Variants in C12orf42 observed in about 807,000 individuals in gnomAD.
C12orf42 encodes the protein chromosome 12 open reading frame 42.
A neutral mutation model predicts 21.6 loss-of-function variants in C12orf42; 25 were observed. That is an observed-to-expected ratio of 1.16 (90% CI 0.84 to 1.62). C12orf42 has a LOEUF of 1.62. Ranked by LOEUF, C12orf42 falls within the 40% of genes most tolerant of loss-of-function variation. The probability of loss-of-function intolerance (pLI) is 0.00; values close to 1 mark genes in which losing one functional copy is unlikely to be tolerated. For synonymous variants in C12orf42, 174 were observed against 175.0 expected (o/e 0.99, Z 0.05); for missense variants, 483 against 459.3 (o/e 1.05, Z -0.47).
the C12orf42 span, among the ~76,000 whole-genome samples, chr12:103,205,480 A>G: frequency 6.6e-6 from 1 of 152,274 alleles, no homozygotes; most frequent in South Asian, 2.1e-4. Context: ...AGCACTGGAA[A>G]AACTTGCCCC....
the C12orf42 span, among the ~76,000 whole-genome samples, chr12:103,514,292 T>G: frequency 6.6e-6 from 1 of 152,108 alleles, no homozygotes; most frequent in African/African-American, 2.4e-5. Context: ...CAAGATGAGA[T>G]TTGGATGGGA....
chr12:103,507,031 AAT>A, the C12orf42 span, among the ~76,000 whole-genome samples: 3 of 10,084 alleles, frequency 3.0e-4, no homozygotes, highest in Admixed American at 2.2e-3. Flanking sequence ...ATTTATATAT[AAT>A]ATATATATTT....
chr12:103,083,251 C>G, the C12orf42 span, among the ~76,000 whole-genome samples: 1 of 152,078 alleles, frequency 6.6e-6, no homozygotes, highest in Non-Finnish European at 1.5e-5. Flanking sequence ...GTAATCCCAG[C>G]TACTTGGGAA....
chr12:103,072,928 A>C, the C12orf42 span, among the ~76,000 whole-genome samples: 2 of 152,220 alleles, frequency 1.3e-5, no homozygotes, highest in Non-Finnish European at 2.9e-5. Context: ...GAATCAGCTT[A>C]AATACCCATC....
the C12orf42 span, among the ~76,000 whole-genome samples, chr12:103,509,340 GA>G: frequency 6.6e-6 from 1 of 152,082 alleles, no homozygotes; most frequent in Admixed American, 6.5e-5. Context: ...CCTCAAGGAA[GA>G]ATCATTTTCT....
At position 103,242,786 on chromosome 12, in the gene C12orf42, T is replaced by A. The variant is rs934466607; in HGVS notation, c.*1367-4884A>T. ...TGAAAAAAGTATATGGAAATTCAAA[T>A]CAATGCAAAAACATATTTTTAGTAA... On this transcript the variant is annotated intron_variant and NMD_transcript_variant, in intron 10 of 10. Coordinates refer to the C12orf42 transcript ENST00000547347. 4.6e-5 allele frequency among the ~76,000 whole-genome samples: 7 copies of A among 152,092 alleles called. No homozygotes were observed. In the East Asian group the frequency reaches 1.2e-3, roughly 25 times the overall value.
chr12:103,320,378 C>T (rs1052070314), intron 4 of C12orf42, among the ~76,000 whole-genome samples: 6 of 152,148 alleles, frequency 3.9e-5, no homozygotes, highest in East Asian at 1.9e-4. Context: ...CATATTTTAA[C>T]GCCTCAGAGT....
intron 2 of C12orf42, among the ~76,000 whole-genome samples, chr12:103,411,452 T>A (rs2048838297): frequency 6.6e-6 from 1 of 152,212 alleles, no homozygotes; most frequent in African/African-American, 2.4e-5. Flanking sequence ...AAAATTGTGA[T>A]ACAAACAATT....
chr12:103,119,700 G>A, the C12orf42 span, among the ~76,000 whole-genome samples: 27 of 152,246 alleles, frequency 1.8e-4, no homozygotes, highest in Middle Eastern at 0.017. Flanking sequence ...CCAACACCTG[G>A]CATATATGAA....
At chr12:103,287,613 A>C (rs1055081071) in intron 4 of C12orf42, among the ~76,000 whole-genome samples, 1 of 152,026 alleles carries the variant, frequency 6.6e-6, no homozygotes, top group African/African-American at 2.4e-5. Flanking sequence ...CTAAATGACG[A>C]GTTAATGAGT....
the C12orf42 span, among the ~76,000 whole-genome samples, chr12:103,122,735 G>T: frequency 1.3e-5 from 2 of 152,136 alleles, no homozygotes; most frequent in Non-Finnish European, 2.9e-5. Context: ...GGGGCAGTTG[G>T]GTATTAAGAG....
Position 103,485,973 on chromosome 12 carries a change from T to C in C12orf42, c.-21-7526A>G, listed in dbSNP as rs562948239. Among the ~76,000 whole-genome samples the C allele has an allele frequency of 2.6e-5, 4 of 152,326 alleles. No individual in the cohort carries two copies. In the East Asian group the frequency reaches 7.7e-4, roughly 29 times the overall value. Reference sequence around the variant, plus strand: ...ATTGCATACCCTTTATTTCTTTCTCTTGCCTGATTGCCCTGGCCAGAACTT... The same window carrying C: ...ATTGCATACCCTTTATTTCTTTCTCCTGCCTGATTGCCCTGGCCAGAACTT... On this transcript the variant is annotated intron_variant, in intron 1 of 5. Coordinates refer to ENST00000548883, the MANE Select transcript of C12orf42 (RefSeq NM_198521.5).
chr12:103,259,894 T>C (rs964934452), intron 10 of C12orf42, among the ~76,000 whole-genome samples: 5 of 152,306 alleles, frequency 3.3e-5, no homozygotes, highest in Non-Finnish European at 7.4e-5. Context: ...ATTCGTTTAA[T>C]GTCTGGCACA....
chr12:103,173,629 C>T, the C12orf42 span, among the ~76,000 whole-genome samples: 3 of 151,258 alleles, frequency 2.0e-5, no homozygotes, highest in African/African-American at 7.4e-5. Flanking sequence ...TTTCATTAGA[C>T]CTCCACTCCT....
chr12:103,538,586 A>G, the C12orf42 span, among the ~76,000 whole-genome samples: 3 of 152,352 alleles, frequency 2.0e-5, no homozygotes, highest in African/African-American at 7.2e-5. Flanking sequence ...GGACTGGCAT[A>G]AAGTTTGTCA....
intron 3 of C12orf42, among the ~76,000 whole-genome samples, chr12:103,381,332 A>G (rs1001737442): frequency 4.6e-5 from 7 of 152,192 alleles, no homozygotes; most frequent in African/African-American, 1.7e-4. Flanking sequence ...GGTTAATGCA[A>G]TTGTCAAAGG....
intron 3 of C12orf42, among the ~76,000 whole-genome samples, chr12:103,389,415 A>C (rs2046887823): frequency 1.3e-5 from 2 of 152,322 alleles, no homozygotes; most frequent in Admixed American, 6.5e-5. Flanking sequence ...AGGGAGGCCA[A>C]AGGAAAGGAG....
chr12:103,324,144 A>G (rs2040448967), intron 4 of C12orf42, among the ~76,000 whole-genome samples: 1 of 152,132 alleles, frequency 6.6e-6, no homozygotes, highest in Non-Finnish European at 1.5e-5. Flanking sequence ...CTTTTAGGAG[A>G]TGTCATTTTA....
intron 2 of C12orf42, among the ~76,000 whole-genome samples, chr12:103,412,693 T>C (rs1566268010): frequency 6.6e-6 from 1 of 152,252 alleles, no homozygotes; most frequent in Non-Finnish European, 1.5e-5. Flanking sequence ...ACCATGGTTT[T>C]GATTTGCATT....
Sources: gnomAD v4.1 joint callset for allele counts (sites outside exome capture counted in the v4.1 genomes callset) on GRCh38, gnomAD v4.1.1 for gene constraint, MANE v1.5 for transcripts, NCBI Gene and HGNC (gene_info 2026-07-23, HGNC 2026-07-21) for gene names.